Variants in LRRC63 observed in about 807,000 individuals in gnomAD.
The protein encoded by LRRC63 is leucine rich repeat containing 63.
In LRRC63, 40 loss-of-function variants were observed where a neutral mutation model predicts 49.5. The observed-to-expected ratio is 0.81, with a 90% CI of 0.63 to 1.05. The LOEUF (loss-of-function observed/expected upper bound fraction) is 1.05, where lower values mean the gene tolerates loss of function less well. Among genes scored for constraint, LRRC63 ranks in the 50% least tolerant of loss-of-function variants. The pLI is 0.00. For missense variants in LRRC63, 636 were observed against 663.1 expected, an observed-to-expected ratio of 0.96 and a Z score of 0.45; for synonymous variants, 191 against 221.1, an observed-to-expected ratio of 0.86 and a Z score of 1.21.
At chr13:46,225,952 T>G (rs2046561057) in intron 2 of LRRC63, among the ~76,000 whole-genome samples, 1 of 151,924 alleles carries the variant, frequency 6.6e-6, no homozygotes, top group Admixed American at 6.6e-5. Context: ...TCAACCCTAT[T>G]TTTTTACTCT....
exon 9 of LRRC63, chr13:46,266,956 C>A: frequency 6.5e-7 from 1 of 1,535,472 alleles, no homozygotes; most frequent in South Asian, 1.2e-5. Flanking sequence ...AGTAGAAGTT[C>A]AGAAGTTACT....
chr13:46,230,266 G>A (rs1315824599), intron 4 of LRRC63, among the ~76,000 whole-genome samples: 2 of 152,166 alleles, frequency 1.3e-5, no homozygotes, highest in Non-Finnish European at 2.9e-5. Context: ...ATTCAAAAGT[G>A]CAAAGTCTCA....
At chr13:46,246,038 A>G (rs943970873) in intron 5 of LRRC63, among the ~76,000 whole-genome samples, 8 of 152,206 alleles carry the variant, frequency 5.3e-5, no homozygotes, top group African/African-American at 1.7e-4. Context: ...TTCCACCTTG[A>G]TGCTGTTCTC....
chr13:46,213,506 G>T (rs999557409), intron 2 of LRRC63, among the ~76,000 whole-genome samples: 11 of 152,152 alleles, frequency 7.2e-5, no homozygotes, highest in African/African-American at 2.7e-4. Context: ...TTCCCTGTCT[G>T]TTTAGCTCTA....
chr13:46,249,786 A>G (rs17067887), intron 6 of LRRC63, among the ~76,000 whole-genome samples: 9,119 of 151,982 alleles, frequency 0.06, 872 homozygotes, highest in African/African-American at 0.21. Context: ...GTTAATATTC[A>G]CCAGAGAAAA....
Position 46,246,529 on chromosome 13 carries a change from CT to C in LRRC63, c.999del (p.Phe333LeufsTer3). On this transcript the variant is annotated frameshift_variant, in exon 6 of 10. Transcript: ENST00000595396. LOFTEE classifies it high-confidence loss of function. ...TATCTCTTGTCACTTTCTTTTAGGG[CT>C]TTTTTATCCTAAATTGTCCAGACTT... 6 of 1,434,098 alleles carry C rather than the reference CT, an allele frequency of 4.2e-6. No homozygotes were observed. Among genetic ancestry groups the C allele is most frequent in the South Asian group, 1.5e-5 (1 of 65,718 alleles). 88.8% of individuals were successfully genotyped at this position (1,434,098 alleles called of 1,614,324 possible).
intron 9 of LRRC63, chr13:46,270,433 G>C (rs75228770): frequency 1.4e-5 from 11 of 793,780 alleles, no homozygotes; most frequent in Non-Finnish European, 2.5e-5. Context: ...GAGGATGTTC[G>C]ATGGAAGTGA....
chr13:46,268,183 T>G (rs1288627575), intron 9 of LRRC63, among the ~76,000 whole-genome samples: 4 of 151,786 alleles, frequency 2.6e-5, no homozygotes, highest in Non-Finnish European at 5.9e-5. Context: ...TTAAGTAAAA[T>G]GAAATTCTAG....
chr13:46,222,105 T>G (rs1273644405), intron 2 of LRRC63, among the ~76,000 whole-genome samples: 1 of 152,222 alleles, frequency 6.6e-6, no homozygotes. Context: ...CTCTAATGAT[T>G]AGTGATATAG....
At chr13:46,263,426 T>C (rs2047641924) in intron 8 of LRRC63, among the ~76,000 whole-genome samples, 1 of 152,114 alleles carries the variant, frequency 6.6e-6, no homozygotes, top group Non-Finnish European at 1.5e-5. Context: ...TCCTACCACC[T>C]CTTTTTTTCT....
intron 6 of LRRC63, 120 bp from the exon 7 acceptor site, chr13:46,250,235 A>T: frequency 2.3e-6 from 2 of 863,652 alleles, no homozygotes; most frequent in Non-Finnish European, 3.5e-6. Flanking sequence ...TACATGATAT[A>T]GCCAATTAAT....
intron 5 of LRRC63, among the ~76,000 whole-genome samples, chr13:46,243,451 A>G (rs922465081): frequency 1.2e-4 from 19 of 152,200 alleles, no homozygotes. Flanking sequence ...ACCTATCAAT[A>G]AAAACCTTGA....
intron 2 of LRRC63, among the ~76,000 whole-genome samples, chr13:46,218,966 G>C (rs1321033685): frequency 6.6e-6 from 1 of 152,218 alleles, no homozygotes; most frequent in Non-Finnish European, 1.5e-5. Context: ...TCTGCAGAGA[G>C]ATCCGCTGTT....
intron 4 of LRRC63, among the ~76,000 whole-genome samples, chr13:46,233,519 C>T (rs1222387029): frequency 6.6e-6 from 1 of 152,134 alleles, no homozygotes; most frequent in Non-Finnish European, 1.5e-5. Flanking sequence ...GCAAACAATG[C>T]AGCAATAATG....
intron 5 of LRRC63, among the ~76,000 whole-genome samples, chr13:46,243,891 A>G (rs1033877984): frequency 1.3e-5 from 2 of 152,234 alleles, no homozygotes. Flanking sequence ...AATAAATCTT[A>G]TATCACTAAA....
chr13:46,260,584 T>C (rs1819317275), intron 7 of LRRC63, among the ~76,000 whole-genome samples: 2 of 152,076 alleles, frequency 1.3e-5, no homozygotes, highest in African/African-American at 4.8e-5. Flanking sequence ...ATGGGTACTA[T>C]GAGAGAGTAA....
intron 9 of LRRC63, among the ~76,000 whole-genome samples, chr13:46,273,587 G>C (rs2047789239): frequency 7.1e-6 from 1 of 140,470 alleles, no homozygotes; most frequent in African/African-American, 2.7e-5. Context: ...GGGCAACAGA[G>C]TGAGAATCTG....
chr13:46,233,965 G>A (rs1314970240), intron 4 of LRRC63, among the ~76,000 whole-genome samples: 2 of 152,112 alleles, frequency 1.3e-5, no homozygotes, highest in Admixed American at 6.5e-5. Flanking sequence ...TTTACTTTGG[G>A]GAAGATAATG....
chr13:46,274,572 C>G (rs550881422), intron 9 of LRRC63, among the ~76,000 whole-genome samples: 2 of 152,326 alleles, frequency 1.3e-5, no homozygotes, highest in East Asian at 3.9e-4. Context: ...CTGCCTCTCT[C>G]TGTCTCTCTA....
Sources: gnomAD v4.1 joint callset for allele counts (sites outside exome capture counted in the v4.1 genomes callset) on GRCh38, gnomAD v4.1.1 for gene constraint, MANE v1.5 for transcripts, NCBI Gene and HGNC (gene_info 2026-07-23, HGNC 2026-07-21) for gene names.